The following ATP10B variants were observed in gnomAD, a reference collection of about 807,000 sequenced individuals.
The protein encoded by ATP10B is phospholipid-transporting ATPase VB.
A neutral mutation model predicts 141.2 loss-of-function variants in ATP10B; 122 were observed. The ratio of observed to expected loss-of-function variants is 0.86; its 90% CI spans 0.75 to 1.00. The LOEUF (loss-of-function observed/expected upper bound fraction) is 1.00. Ranked by LOEUF, ATP10B falls within the 50% of genes least tolerant of loss-of-function variation. ATP10B has a pLI of 0.00. For synonymous variants in ATP10B, 685 were observed against 692.0 expected (o/e 0.99, Z 0.16); for missense variants, 1,876 against 1,825.3 (o/e 1.03, Z -0.51).
chr5:160,890,996 TGTGTGC>T, the ATP10B span, among the ~76,000 whole-genome samples: 1 of 115,844 alleles, frequency 8.6e-6, no homozygotes, highest in South Asian at 2.4e-4. Flanking sequence ...TACGTGTATG[TGTGTGC>T]GTGTGTGTGT....
chr5:160,785,579 C>G lies in ATP10B; in HGVS notation c.-351G>C. On this transcript the variant is annotated 5_prime_UTR_variant, in exon 2 of 26. Transcript: ENST00000327245. ...AGTACCTGATAGGTAGATTTCAAGT[C>G]TTGTTCCTCTTTCTCCTTCCCTCCT... is the stretch of plus-strand genomic sequence containing the variant. 1 of 909,238 alleles carries G rather than the reference C, an allele frequency of 1.1e-6. No homozygotes were observed. The highest frequency in any genetic ancestry group is 1.6e-6 in the Non-Finnish European group (1 of 642,100). 56.3% of individuals were successfully genotyped at this position (909,238 alleles called of 1,614,324 possible).
rs73316130 is a variant in ATP10B, at chr5:160,740,229, A to G, written c.-330-23195T>C. Among the ~76,000 whole-genome samples the G allele has an allele frequency of 4.9e-3, 740 of 152,360 alleles. 7 individuals are homozygous for G. Among genetic ancestry groups the G allele is most frequent in the African/African-American group, 0.017 (719 of 41,582 alleles). ...TAAAATCATGTATATATTGTATTTA[A>G]TAGATAATTTAAAGGATTTTCAAAA... is the stretch of plus-strand genomic sequence containing the variant. On this transcript the variant is annotated intron_variant, in intron 2 of 25. Transcript: ENST00000327245.
rs1242950606 is a variant in ATP10B, at chr5:160,569,515, C to T, written c.3919G>A (p.Val1307Ile). 6.2e-7 allele frequency: 1 copy of T among 1,613,718 alleles called. No homozygotes were observed. Among genetic ancestry groups the T allele is most frequent in the Non-Finnish European group, 8.5e-7 (1 of 1,179,860 alleles). ...TFYLVCFLTP[V>I]VALLPRYFFL... Reference sequence around the variant, plus strand: ...TCAAACCTTGGGAGAAGAGCAACAACTGGTGTGAGAAAGCAGACGAGGTAG... The same window carrying T: ...TCAAACCTTGGGAGAAGAGCAACAATTGGTGTGAGAAAGCAGACGAGGTAG... The change falls in exon 25 of 26, where the codon GTT becomes ATT. Residue 1307 changes from valine to isoleucine, a missense_variant. Physicochemically the swap from Val to Ile is conservative, Grantham distance 29 (BLOSUM62 3). Transcript: ENST00000327245.
chr5:160,650,118 T>TTATATATATATA lies in ATP10B; in HGVS notation c.676-874_676-863dup, dbSNP rs147437606. Among the ~76,000 whole-genome samples the TTATATATATATA allele has an allele frequency of 2.2e-3, 328 of 145,888 alleles. 1 individual carries two copies. Among genetic ancestry groups the TTATATATATATA allele is most frequent in the African/African-American group, 8.1e-3 (309 of 38,174 alleles). On this transcript the variant is annotated intron_variant, in intron 7 of 25. Coordinates refer to ENST00000327245, the MANE Select transcript of ATP10B (RefSeq NM_025153.3). ...AGACTCTGTCTCAAAAAAAAAAATT[T>TTATATATATATA]TATATATATATATATACACACACAC...
chr5:160,617,269 G>C (rs1758076289), intron 16 of ATP10B, among the ~76,000 whole-genome samples: 4 of 152,234 alleles, frequency 2.6e-5, no homozygotes, highest in Admixed American at 2.0e-4. Context: ...AAGTTGCAAA[G>C]TCAAAGATCT....
chr5:160,814,086 T>A (rs1773393866), intron 1 of ATP10B, among the ~76,000 whole-genome samples: 1 of 152,142 alleles, frequency 6.6e-6, no homozygotes, highest in South Asian at 2.1e-4. Context: ...CTCTCCTCCT[T>A]CGAAGGAACG....
At chr5:160,862,058 C>G in the ATP10B span, among the ~76,000 whole-genome samples, 1 of 151,870 alleles carries the variant, frequency 6.6e-6, no homozygotes, top group South Asian at 2.1e-4. Context: ...AAATATCCAG[C>G]CTCATACATA....
Position 160,621,417 on chromosome 5 carries a change from TGCCAGCTGAAGCTCCCA to T in ATP10B, c.1813-484_1813-468del, listed in dbSNP as rs886617938. ...CCAGAGGCTGGGCTCTTGAGCTACC[TGCCAGCTGAAGCTCCCA>T]GCCAGCTGAAGCTCCCACATTAACT... is the stretch of plus-strand genomic sequence containing the variant. On this transcript the variant is annotated intron_variant, in intron 14 of 25. Coordinates refer to ENST00000327245, the MANE Select transcript of ATP10B (RefSeq NM_025153.3). Among the ~76,000 whole-genome samples the T allele has an allele frequency of 8.1e-4, 124 of 152,334 alleles. 1 individual carries two copies. The highest frequency in any genetic ancestry group is 1.9e-4 in the Non-Finnish European group (13 of 68,028).
rs1287388100 is a variant in ATP10B at position 160,604,885 on chromosome 5, A to G, written c.3161-844T>C. Among the ~76,000 whole-genome samples the G allele has an allele frequency of 4.6e-5, 7 of 152,222 alleles. 1 individual carries two copies. ...GATTTAAATTTAAGTAGCCACAGAT[A>G]GCTCTATACAGTGAGGCCTTCCCCA... is the stretch of plus-strand genomic sequence containing the variant. On this transcript the variant is annotated intron_variant, in intron 19 of 25. Transcript: ENST00000327245.
the ATP10B span, among the ~76,000 whole-genome samples, chr5:160,927,193 C>T: frequency 6.6e-6 from 1 of 152,174 alleles, no homozygotes; most frequent in African/African-American, 2.4e-5. Context: ...AAATGAATGA[C>T]ACCCAAAACA....
At chr5:160,630,499 T>C (rs2127660400) in intron 13 of ATP10B, among the ~76,000 whole-genome samples, 1 of 152,272 alleles carries the variant, frequency 6.6e-6, no homozygotes, top group East Asian at 1.9e-4. Flanking sequence ...GGAGACATAC[T>C]CAGGCATGTG....
intron 7 of ATP10B, among the ~76,000 whole-genome samples, chr5:160,666,638 T>C (rs1762333831): frequency 6.6e-6 from 1 of 152,192 alleles, no homozygotes; most frequent in Non-Finnish European, 1.5e-5. Context: ...GTTTGTTCAA[T>C]ACGTTAGGGA....
upstream of ATP10B, among the ~76,000 whole-genome samples, chr5:160,853,053 A>G (rs1186233915): frequency 6.6e-6 from 1 of 152,184 alleles, no homozygotes; most frequent in Non-Finnish European, 1.5e-5. Context: ...TTATCAGAAT[A>G]CCAAGAAGAA....
chr5:160,613,351 C>A (rs1470503972), intron 17 of ATP10B, among the ~76,000 whole-genome samples: 2 of 152,072 alleles, frequency 1.3e-5, no homozygotes, highest in Admixed American at 1.3e-4. Context: ...GGAGGCAGAG[C>A]AAGGTGAGAG....
the ATP10B span, among the ~76,000 whole-genome samples, chr5:160,919,759 C>T: frequency 3.9e-5 from 6 of 152,122 alleles, no homozygotes; most frequent in Non-Finnish European, 7.4e-5. Flanking sequence ...CAGTAGCTTC[C>T]GCTAGCTCTC....
the ATP10B span, among the ~76,000 whole-genome samples, chr5:160,897,760 T>G: frequency 5.9e-5 from 9 of 152,284 alleles, no homozygotes; most frequent in South Asian, 1.9e-3. Flanking sequence ...AGAACAAAGC[T>G]GGAGGCATCA....
intron 9 of ATP10B, among the ~76,000 whole-genome samples, chr5:160,642,643 G>A (rs1044467704): frequency 1.3e-5 from 2 of 152,196 alleles, no homozygotes; most frequent in Non-Finnish European, 2.9e-5. Flanking sequence ...TGCCAAAGGT[G>A]AGAACCCCAG....
chr5:160,794,212 T>TG (rs1771790911), intron 1 of ATP10B, among the ~76,000 whole-genome samples: 1 of 152,192 alleles, frequency 6.6e-6, no homozygotes, highest in Non-Finnish European at 1.5e-5. Context: ...ACAATGTCGC[T>TG]GCTTGTAAGG....
intron 2 of ATP10B, among the ~76,000 whole-genome samples, chr5:160,756,456 T>G (rs1321898350): frequency 6.6e-6 from 1 of 152,228 alleles, no homozygotes; most frequent in African/African-American, 2.4e-5. Flanking sequence ...CCAGATTGTT[T>G]ACAAAGTGAT....
Sources: gnomAD v4.1 joint callset for allele counts (sites outside exome capture counted in the v4.1 genomes callset) on GRCh38, gnomAD v4.1.1 for gene constraint, MANE v1.5 for transcripts, NCBI Gene and HGNC (gene_info 2026-07-23, HGNC 2026-07-21) for gene names.